DNAJC3: variants seen among roughly 807,000 people sequenced by gnomAD.
DNAJC3 encodes the protein DnaJ heat shock protein family (Hsp40) member C3.
A neutral mutation model predicts 68.6 loss-of-function variants in DNAJC3; 38 were observed. That is an observed-to-expected ratio of 0.55 (90% confidence interval 0.43 to 0.73). The LOEUF (loss-of-function observed/expected upper bound fraction) is 0.73, where lower values mean the gene tolerates loss of function less well. Ranked by LOEUF, DNAJC3 falls within the 30% of genes least tolerant of loss-of-function variation. The pLI, the probability that DNAJC3 is intolerant of heterozygous loss-of-function variation, is 0.00. For synonymous variants in DNAJC3, 203 were observed against 204.0 expected (o/e 1.00, Z 0.04); for missense variants, 526 against 591.9 (o/e 0.89, Z 1.16).
At chr13:95,693,714 G>GA (rs1248013225) in intron 1 of DNAJC3, 11 of 151,508 alleles carry the variant, frequency 7.3e-5, no homozygotes, top group African/African-American at 1.7e-4. Context: ...ATAATCTTAA[G>GA]CTAAAATATC....
In DNAJC3 at chr13:95,734,909, G is replaced by A. The variant is rs1881847554; in HGVS notation, c.393+9657G>A. 2.0e-5 allele frequency among the ~76,000 whole-genome samples: 3 copies of A among 147,102 alleles called. No homozygotes were observed. The Admixed American group carries it at 2.0e-4, about 10-fold the overall frequency. The stretch of plus-strand genomic sequence containing the variant: ...ATGTATACATGTGCCATGCTGGTGC[G>A]CTGCACCCACTAACTCGTCATCTAG... On this transcript the variant is annotated intron_variant, in intron 4 of 11. Coordinates refer to ENST00000602402, the MANE Select transcript of DNAJC3 (RefSeq NM_006260.5).
intron 4 of DNAJC3, among the ~76,000 whole-genome samples, chr13:95,733,869 G>C (rs560484972): frequency 6.6e-6 from 1 of 152,018 alleles, no homozygotes; most frequent in South Asian, 2.1e-4. Context: ...GAAGTTTCTT[G>C]TAAGTGCCAT....
chr13:95,691,101 G>T (rs1460040646), intron 1 of DNAJC3, among the ~76,000 whole-genome samples: 7 of 144,508 alleles, frequency 4.8e-5, no homozygotes, highest in Admixed American at 4.1e-4. Flanking sequence ...CCGGGCAGAG[G>T]CGCCCCTCAC....
intron 1 of DNAJC3, among the ~76,000 whole-genome samples, chr13:95,704,051 T>C (rs565110399): frequency 6.6e-6 from 1 of 152,332 alleles, no homozygotes; most frequent in South Asian, 2.1e-4. Flanking sequence ...TCGGATTCAT[T>C]TTTCCAACTA....
At chr13:95,684,466 G>T (rs988291553) in intron 1 of DNAJC3, among the ~76,000 whole-genome samples, 1 of 152,170 alleles carries the variant, frequency 6.6e-6, no homozygotes, top group African/African-American at 2.4e-5. Flanking sequence ...TGTAAAATTG[G>T]AACTTACATT....
intron 5 of DNAJC3, among the ~76,000 whole-genome samples, chr13:95,759,468 C>T (rs1478795794): frequency 3.9e-5 from 6 of 152,162 alleles, no homozygotes; most frequent in Admixed American, 1.3e-4. Context: ...TGTTCCACCA[C>T]ACCCAGTTAA....
intron 1 of DNAJC3, among the ~76,000 whole-genome samples, chr13:95,706,363 T>C (rs1367676929): frequency 2.6e-5 from 4 of 152,250 alleles, no homozygotes; most frequent in African/African-American, 9.6e-5. Context: ...TATATACATA[T>C]AAATGAATTA....
intron 1 of DNAJC3, among the ~76,000 whole-genome samples, chr13:95,689,132 A>AT (rs773310978): frequency 0.026 from 2,753 of 105,828 alleles, 78 homozygotes; most frequent in African/African-American, 0.087. Flanking sequence ...TTCCTCTTTG[A>AT]TTTTTTTTTT....
chr13:95,716,592 C>T (rs963357000), intron 2 of DNAJC3, among the ~76,000 whole-genome samples: 2 of 152,096 alleles, frequency 1.3e-5, no homozygotes, highest in African/African-American at 2.4e-5. Flanking sequence ...GGAGGTGGCT[C>T]TCAGCGAGAT....
At chr13:95,764,916 AT>A (rs1480040844) in intron 9 of DNAJC3, among the ~76,000 whole-genome samples, 2 of 151,870 alleles carry the variant, frequency 1.3e-5, no homozygotes, top group East Asian at 3.9e-4. Context: ...AAAAACAGTA[AT>A]TTTCTCTTAC....
chr13:95,691,203 C>A (rs561023269), intron 1 of DNAJC3, among the ~76,000 whole-genome samples: 30 of 151,874 alleles, frequency 2.0e-4, no homozygotes, highest in African/African-American at 4.1e-4. Flanking sequence ...CTGACCCCCC[C>A]ACCTCCCTCC....
chr13:95,781,407 C>G (rs1883449447), intron 9 of DNAJC3, among the ~76,000 whole-genome samples: 1 of 152,088 alleles, frequency 6.6e-6, no homozygotes, highest in Non-Finnish European at 1.5e-5. Context: ...GCTAGGGCCT[C>G]TTATAGTGTG....
chr13:95,729,274 C>T (rs1268741272), intron 4 of DNAJC3, among the ~76,000 whole-genome samples: 1 of 107,776 alleles, frequency 9.3e-6, no homozygotes, highest in Admixed American at 9.3e-5. Flanking sequence ...CTCCCTCTCC[C>T]CCTCCCCCTC....
intron 4 of DNAJC3, among the ~76,000 whole-genome samples, chr13:95,728,200 T>C (rs78634061): frequency 1.3e-5 from 2 of 152,212 alleles, no homozygotes; most frequent in Non-Finnish European, 2.9e-5. Flanking sequence ...CGTGAATTTT[T>C]GTTATCCCTG....
At chr13:95,687,917 G>A (rs1263343034) in intron 1 of DNAJC3, among the ~76,000 whole-genome samples, 1 of 152,178 alleles carries the variant, frequency 6.6e-6, no homozygotes, top group East Asian at 1.9e-4. Flanking sequence ...AGCATGGAAT[G>A]TTTTTCCATT....
chr13:95,735,839 G>C (rs1168885577), intron 4 of DNAJC3, among the ~76,000 whole-genome samples: 1 of 152,142 alleles, frequency 6.6e-6, no homozygotes, highest in Non-Finnish European at 1.5e-5. Flanking sequence ...GATCCCATTT[G>C]TCAATTTTGT....
intron 2 of DNAJC3, among the ~76,000 whole-genome samples, chr13:95,716,295 C>T (rs568472323): frequency 1.3e-5 from 2 of 152,330 alleles, no homozygotes; most frequent in African/African-American, 4.8e-5. Context: ...TGCTCAGACC[C>T]TTACTGGGAG....
chr13:95,700,291 A>G (rs531911137), intron 1 of DNAJC3, among the ~76,000 whole-genome samples: 2 of 152,272 alleles, frequency 1.3e-5, no homozygotes, highest in Admixed American at 1.3e-4. Context: ...TTATATATAA[A>G]TTATTTTCAT....
At position 95,709,783 on chromosome 13, in the gene DNAJC3, G is replaced by A. The variant is rs1213377300; in HGVS notation, c.193+446G>A. ...GCCTCCCGAGTAGCTGGGACTACAC[G>A]CGCCCACCACCACTCCCGGCTAATT... On this transcript the variant is annotated intron_variant, in intron 2 of 11. Transcript: ENST00000602402. 2.0e-5 allele frequency among the ~76,000 whole-genome samples: 3 copies of A among 151,926 alleles called. 1 individual carries two copies. Among genetic ancestry groups the A allele is most frequent in the Admixed American group, 1.3e-4 (2 of 15,270 alleles).
Sources: gnomAD v4.1 joint callset for allele counts (sites outside exome capture counted in the v4.1 genomes callset) on GRCh38, gnomAD v4.1.1 for gene constraint, MANE v1.5 for transcripts, NCBI Gene and HGNC (gene_info 2026-07-23, HGNC 2026-07-21) for gene names.